EPB41L5: variants seen among roughly 807,000 people sequenced by gnomAD.
EPB41L5 encodes band 4.1-like protein 5.
In EPB41L5, 55 loss-of-function variants were observed where a neutral mutation model predicts 106.6. The observed-to-expected ratio is 0.52, with a 90% CI of 0.42 to 0.65. The LOEUF (loss-of-function observed/expected upper bound fraction) is 0.65, where lower values mean the gene tolerates loss of function less well. Among genes scored for constraint, EPB41L5 ranks in the 30% least tolerant of loss-of-function variants. EPB41L5 has a pLI of 0.00. For synonymous variants in EPB41L5, 297 were observed against 306.7 expected, an observed-to-expected ratio of 0.97 and a Z score of 0.33; for missense variants, 871 against 882.1, an observed-to-expected ratio of 0.99 and a Z score of 0.16.
In EPB41L5 at chr2:120,083,378, G is replaced by A. The variant is rs1213190262; in HGVS notation, c.804-3793G>A. The stretch of plus-strand genomic sequence containing the variant: ...TCATTATGTACCCAGTAGTCATTCA[G>A]GAGCAAGTTGTTCATTTTCCATGTA... On this transcript the variant is annotated intron_variant, in intron 10 of 24. Transcript: ENST00000263713. Among the ~76,000 whole-genome samples the A allele has an allele frequency of 2.6e-5, 4 of 152,294 alleles. No homozygotes were observed. In the East Asian group the frequency reaches 7.7e-4, roughly 29 times the overall value.
intron 14 of EPB41L5, among the ~76,000 whole-genome samples, chr2:120,094,770 C>T (rs935810406): frequency 2.0e-5 from 3 of 151,884 alleles, no homozygotes; most frequent in African/African-American, 7.2e-5. Context: ...TTTTGGTTAC[C>T]TCAATTTATT....
chr2:120,091,847 G>T (rs1470174907), intron 13 of EPB41L5, among the ~76,000 whole-genome samples, 186 bp downstream of exon 13: 1 of 152,068 alleles, frequency 6.6e-6, no homozygotes, highest in African/African-American at 2.4e-5. Flanking sequence ...TGTTAGCAGA[G>T]ATTAAACTTT....
At chr2:120,103,506 T>C (rs12989995) in intron 16 of EPB41L5, among the ~76,000 whole-genome samples, 95,441 of 152,022 alleles carry the variant, frequency 0.63, 31,548 homozygotes, top group Middle Eastern at 0.74. Flanking sequence ...ATTGGGAACA[T>C]TGATGTAAAA....
chr2:120,168,096 C>G (rs1362068358), intron 24 of EPB41L5, 89 bp downstream of exon 24: 16 of 1,397,922 alleles, frequency 1.1e-5, no homozygotes, highest in Non-Finnish European at 1.6e-5. Context: ...GCAGCAATGT[C>G]AATTCTTCCC....
intron 13 of EPB41L5, among the ~76,000 whole-genome samples, chr2:120,092,028 A>G (rs1005833103): frequency 1.3e-5 from 2 of 151,334 alleles, no homozygotes; most frequent in Non-Finnish European, 2.9e-5. Flanking sequence ...TTATTTATTT[A>G]TTTATTTATT....
At chr2:120,167,297 CAGAAA>C (rs1485037334) in intron 22 of EPB41L5, among the ~76,000 whole-genome samples, 164 bp from the exon 23 acceptor site, 3 of 152,124 alleles carry the variant, frequency 2.0e-5, no homozygotes, top group African/African-American at 7.2e-5. Context: ...TGTTGTATAA[CAGAAA>C]AGGGTCTTGG....
chr2:120,133,902 T>C (rs1271434480), intron 18 of EPB41L5, among the ~76,000 whole-genome samples: 1 of 152,086 alleles, frequency 6.6e-6, no homozygotes, highest in East Asian at 1.9e-4. Flanking sequence ...GTCTTGTAGC[T>C]TGGATACCAG....
intron 20 of EPB41L5, among the ~76,000 whole-genome samples, chr2:120,151,934 A>G (rs150876046): frequency 3.3e-5 from 5 of 152,242 alleles, no homozygotes; most frequent in East Asian, 1.9e-4. Flanking sequence ...TCTGCATTCT[A>G]TAAGATTTTC....
chr2:120,121,811 C>T (rs1246814461), intron 16 of EPB41L5, among the ~76,000 whole-genome samples: 9 of 152,178 alleles, frequency 5.9e-5, no homozygotes, highest in African/African-American at 9.7e-5. Context: ...TAAAAGCATT[C>T]CTATTTCTCC....
chr2:120,104,197 A>G (rs1176565310), intron 16 of EPB41L5: 1 of 1,535,992 alleles, frequency 6.5e-7, no homozygotes. Flanking sequence ...GGAATCCGTC[A>G]TGATGTTCAT....
chr2:120,039,604 T>C (rs954398242), intron 2 of EPB41L5, among the ~76,000 whole-genome samples: 3 of 152,102 alleles, frequency 2.0e-5, no homozygotes, highest in Admixed American at 1.3e-4. Flanking sequence ...GTTGGGCGGA[T>C]CACCTGAGGT....
chr2:120,129,870 G>T (rs1390692293), intron 17 of EPB41L5, among the ~76,000 whole-genome samples: 1 of 152,214 alleles, frequency 6.6e-6, no homozygotes, highest in Admixed American at 6.5e-5. Flanking sequence ...TCCTGGCCAA[G>T]CACAGTGGCT....
Position 120,091,644 on chromosome 2 carries a change from G to T in EPB41L5, c.1133G>T (p.Arg378Leu). 1.2e-6 allele frequency: 2 copies of T among 1,612,728 alleles called. No homozygotes were observed. Among genetic ancestry groups the T allele is most frequent in the Non-Finnish European group, 1.7e-6 (2 of 1,178,992 alleles). ...ERRPSKRYSR[R>L]TLQMKACATK... ...AGGCCCAGCAAACGATATTCTAGAC[G>T]AACTCTACAAATGAAAGGTGAAGTG... The change falls in exon 13 of 25, where the codon CGA becomes CTA. Residue 378 changes from arginine (R) to leucine (L), a missense_variant. Transcript: ENST00000263713.
rs1399455925 is a variant in EPB41L5 at position 120,145,666 on chromosome 2, C to T, written c.1729-559C>T. On this transcript the variant is annotated intron_variant, in intron 19 of 24. Transcript: ENST00000263713. ...AAAAAAATTGGTGCATTATTGATGC[C>T]AGGTGCGGTGCCTCATGCCTGTAAT... 2.0e-5 allele frequency among the ~76,000 whole-genome samples: 3 copies of T among 152,048 alleles called. No homozygotes were observed. In the East Asian group the frequency reaches 5.8e-4, roughly 29 times the overall value.
chr2:120,043,424 GTAGTCCCAGC>G (rs988520032), intron 3 of EPB41L5, among the ~76,000 whole-genome samples: 5 of 151,878 alleles, frequency 3.3e-5, no homozygotes, highest in Non-Finnish European at 5.9e-5. Flanking sequence ...GCGTGCCCCT[GTAGTCCCAGC>G]TACTCAGGAG....
chr2:120,119,209 G>C (rs1275721074), intron 16 of EPB41L5, among the ~76,000 whole-genome samples: 1 of 151,686 alleles, frequency 6.6e-6, no homozygotes, highest in Non-Finnish European at 1.5e-5. Context: ...TAAGTTCCTT[G>C]TAGCCTCTGG....
intron 13 of EPB41L5, among the ~76,000 whole-genome samples, chr2:120,091,915 C>CT (rs1683437528): frequency 6.6e-6 from 1 of 152,170 alleles, no homozygotes; most frequent in African/African-American, 2.4e-5. Context: ...GTATACAAAA[C>CT]TGTTTCTGTA....
intron 16 of EPB41L5, among the ~76,000 whole-genome samples, chr2:120,118,723 A>AT (rs1215283519): frequency 2.6e-5 from 4 of 152,084 alleles, no homozygotes; most frequent in East Asian, 3.9e-4. Context: ...AATGTGCAAC[A>AT]TTTTCTTTAT....
intron 3 of EPB41L5, among the ~76,000 whole-genome samples, chr2:120,047,474 G>A (rs1373024142): frequency 1.3e-5 from 2 of 151,944 alleles, no homozygotes; most frequent in Non-Finnish European, 1.5e-5. Flanking sequence ...TCTGTGATTG[G>A]TGTATAGGAA....
Sources: gnomAD v4.1 joint callset for allele counts (sites outside exome capture counted in the v4.1 genomes callset) on GRCh38, gnomAD v4.1.1 for gene constraint, MANE v1.5 for transcripts, NCBI Gene and HGNC (gene_info 2026-07-23, HGNC 2026-07-21) for gene names.